Variants in VSTM2A observed in about 807,000 individuals in gnomAD.
The protein encoded by VSTM2A is V-set and transmembrane domain-containing protein 2A.
A neutral mutation model predicts 27.3 loss-of-function variants in VSTM2A; 13 were observed. The ratio of observed to expected loss-of-function variants is 0.48; its 90% CI spans 0.31 to 0.76. The LOEUF is 0.76. Ranked by LOEUF, VSTM2A falls within the 30% of genes least tolerant of loss-of-function variation. The pLI, the probability that VSTM2A is intolerant of heterozygous loss-of-function variation, is 0.05. For synonymous variants in VSTM2A, 142 were observed against 125.7 expected, an observed-to-expected ratio of 1.13 and a Z score of -0.87; for missense variants, 280 against 310.0, an observed-to-expected ratio of 0.90 and a Z score of 0.73.
chr7:54,547,599 G>T (rs1441156985), intron 3 of VSTM2A, among the ~76,000 whole-genome samples: 1 of 152,090 alleles, frequency 6.6e-6, no homozygotes, highest in Non-Finnish European at 1.5e-5. Context: ...TTTAATAAGT[G>T]TGTGTAAAAT....
chr7:54,567,689 C>T lies in VSTM2A; in HGVS notation c.635-1442C>T, dbSNP rs371573961. ...CTTTCAGCATTTTAAAACTTGTATT[C>T]AATACCAGACATACTTTGTGTGAAA... On this transcript the variant is annotated intron_variant, in intron 4 of 4. Transcript: ENST00000402613. Among the ~76,000 whole-genome samples, 5 of 152,234 alleles carry T rather than the reference C, an allele frequency of 3.3e-5. No individual in the cohort carries two copies. The East Asian group carries it at 7.7e-4, about 23-fold the overall frequency.
chr7:54,545,318 GA>G (rs1341887686), intron 2 of VSTM2A, among the ~76,000 whole-genome samples: 1 of 150,970 alleles, frequency 6.6e-6, no homozygotes, highest in African/African-American at 2.4e-5. Flanking sequence ...GGAAAGGGGG[GA>G]AATGGAGGAG....
rs769070443 is a variant in VSTM2A at position 54,550,013 on chromosome 7, C to T, written c.477C>T (p.Ala159=). ...ACAGCCATGCCCGCAGAATGCAGGC[C>T]TTCGAAGCCTCGCCCATGTGGCTGC... is the stretch of plus-strand genomic sequence containing the variant. ...NANSHARRMQ[A]FEASPMWLQD... The change falls in exon 4 of 5, where the codon GCC becomes GCT. Residue 159 remains alanine (A), a synonymous_variant. Coordinates refer to ENST00000402613, the MANE Select transcript of VSTM2A (RefSeq NM_001301009.2). 3 of 1,612,214 alleles carry T rather than the reference C, an allele frequency of 1.9e-6. No homozygotes were observed. Among genetic ancestry groups the T allele is most frequent in the South Asian group, 1.1e-5 (1 of 90,652 alleles).
At chr7:54,565,483 C>G (rs1481550539) in intron 4 of VSTM2A, among the ~76,000 whole-genome samples, 1 of 152,230 alleles carries the variant, frequency 6.6e-6, no homozygotes, top group Non-Finnish European at 1.5e-5. Context: ...AATGGTAGCA[C>G]AGACGGAGGT....
intron 2 of VSTM2A, among the ~76,000 whole-genome samples, chr7:54,545,576 G>T (rs1255052975): frequency 1.2e-5 from 1 of 80,414 alleles, no homozygotes; most frequent in African/African-American, 5.1e-5. Flanking sequence ...GGGAGAGGGA[G>T]AAAGAAGGGG....
At chr7:54,563,168 G>A (rs187131728) in intron 4 of VSTM2A, among the ~76,000 whole-genome samples, 95 of 152,206 alleles carry the variant, frequency 6.2e-4, no homozygotes, top group African/African-American at 2.0e-3. Flanking sequence ...AGCAGAATTA[G>A]GAAAGTATAA....
At chr7:54,553,004 T>C (rs1039594161) in intron 4 of VSTM2A, among the ~76,000 whole-genome samples, 1 of 152,236 alleles carries the variant, frequency 6.6e-6, no homozygotes, top group African/African-American at 2.4e-5. Flanking sequence ...GAAAACATAT[T>C]AGCTGAAAAT....
At chr7:54,560,671 A>C (rs902852449) in intron 4 of VSTM2A, among the ~76,000 whole-genome samples, 6 of 152,174 alleles carry the variant, frequency 3.9e-5, no homozygotes, top group Non-Finnish European at 7.4e-5. Context: ...AACATACCTA[A>C]TATAGGTGAA....
chr7:54,547,335 A>G (rs998286000), intron 3 of VSTM2A, among the ~76,000 whole-genome samples: 1 of 152,252 alleles, frequency 6.6e-6, no homozygotes, highest in Non-Finnish European at 1.5e-5. Flanking sequence ...ATATTTTAGT[A>G]GAAAGTAAAA....
At chr7:54,543,948 C>T (rs1471828245) in intron 1 of VSTM2A, among the ~76,000 whole-genome samples, 1 of 152,144 alleles carries the variant, frequency 6.6e-6, no homozygotes, top group Non-Finnish European at 1.5e-5. Context: ...ATAGTGACTT[C>T]TAAATAATAT....
intron 2 of VSTM2A, chr7:54,546,561 CGCCT>C (rs1438015672): frequency 3.4e-5 from 5 of 144,972 alleles, no homozygotes; most frequent in African/African-American, 6.2e-5. Context: ...GGCGCCCCCC[CGCCT>C]GCCCGCCCGC....
Position 54,544,610 on chromosome 7 carries a change from T to C in VSTM2A, c.80-12T>C. 6.2e-7 allele frequency: 1 copy of C among 1,612,802 alleles called. No individual in the cohort carries two copies. The highest frequency in any genetic ancestry group is 8.5e-7 in the Non-Finnish European group (1 of 1,179,844). On this transcript the variant is annotated splice_polypyrimidine_tract_variant and intron_variant, in intron 1 of 4. Transcript: ENST00000402613. ...TGTGGATATTCCAACAGGATGCCTT[T>C]CTGTTTTGCAGCAAAATTTACCGAG...
chr7:54,551,574 T>C (rs1429188158), intron 4 of VSTM2A: 1 of 152,200 alleles, frequency 6.6e-6, no homozygotes, highest in Non-Finnish European at 1.5e-5. Context: ...CAAACTAGTA[T>C]AGCTGGAACA....
chr7:54,548,721 T>C (rs1788083056), intron 3 of VSTM2A, among the ~76,000 whole-genome samples: 1 of 152,182 alleles, frequency 6.6e-6, no homozygotes, highest in Non-Finnish European at 1.5e-5. Flanking sequence ...TGTAATTTTA[T>C]ATACACATAA....
At chr7:54,558,692 A>G (rs988089320) in intron 4 of VSTM2A, 1 of 152,166 alleles carries the variant, frequency 6.6e-6, no homozygotes, top group Non-Finnish European at 1.5e-5. Flanking sequence ...ATTATACAAA[A>G]TAATATCTAA....
chr7:54,553,107 T>C (rs1788242606), intron 4 of VSTM2A, among the ~76,000 whole-genome samples: 1 of 152,250 alleles, frequency 6.6e-6, no homozygotes, highest in African/African-American at 2.4e-5. Context: ...ATGGAAAAGA[T>C]AGTCTATGAC....
intron 2 of VSTM2A, chr7:54,546,068 GAGGAAA>G (rs1345397116): frequency 7.3e-6 from 1 of 136,508 alleles, no homozygotes; most frequent in Non-Finnish European, 1.6e-5. Context: ...GAGGGAAGGA[GAGGAAA>G]AGGAGAGACG....
At chr7:54,559,668 G>A (rs1252974888) in intron 4 of VSTM2A, 1 of 152,094 alleles carries the variant, frequency 6.6e-6, no homozygotes, top group Non-Finnish European at 1.5e-5. Flanking sequence ...GGATATCATA[G>A]CGAGTCATGA....
intron 3 of VSTM2A, among the ~76,000 whole-genome samples, chr7:54,548,369 T>C (rs765966984): frequency 6.6e-6 from 1 of 152,016 alleles, no homozygotes; most frequent in South Asian, 2.1e-4. Context: ...GTTTACCCAC[T>C]GTGTGACCTT....
Sources: gnomAD v4.1 joint callset for allele counts (sites outside exome capture counted in the v4.1 genomes callset) on GRCh38, gnomAD v4.1.1 for gene constraint, MANE v1.5 for transcripts, NCBI Gene and HGNC (gene_info 2026-07-23, HGNC 2026-07-21) for gene names.